The following C3orf18 variants were observed in gnomAD, a reference collection of about 807,000 sequenced individuals.
C3orf18 encodes the protein uncharacterized protein C3orf18.
Under a neutral mutation model 14.1 loss-of-function variants are expected in C3orf18, and 12 were observed. The observed-to-expected ratio is 0.85, with a 90% CI of 0.55 to 1.38. C3orf18 has a LOEUF of 1.38. C3orf18 is among the 40% of genes most tolerant of loss of function. C3orf18 has a pLI of 0.00. For synonymous variants in C3orf18, 82 were observed against 87.9 expected (o/e 0.93, Z 0.38); for missense variants, 196 against 213.9 (o/e 0.92, Z 0.52).
At chr3:50,571,999 G>A, upstream of C3orf18, 3 of 1,525,238 alleles carry the variant, frequency 2.0e-6, no homozygotes, top group Non-Finnish European at 2.7e-6. Context: ...GAGTCCCAAG[G>A]CCCTGGAGAC....
chr3:50,559,486 C>T lies in C3orf18; in HGVS notation c.*171G>A. 4 of 1,428,832 alleles carry T rather than the reference C, an allele frequency of 2.8e-6. No homozygotes were observed. The highest frequency in any genetic ancestry group is 3.7e-6 in the Non-Finnish European group (4 of 1,089,748). 88.5% of individuals were successfully genotyped at this position (1,428,832 alleles called of 1,614,324 possible). ...AAGTCCAGCCTGGCTAGGGCCCTCT[C>T]TTAGAGTCTAAAGTCAGCAGGTGGG... is the stretch of plus-strand genomic sequence containing the variant. On this transcript the variant is annotated 3_prime_UTR_variant, in exon 6 of 6. Transcript: ENST00000357203.
upstream of C3orf18, chr3:50,572,024 T>C: frequency 1.3e-6 from 2 of 1,580,024 alleles, no homozygotes; most frequent in Non-Finnish European, 1.7e-6. Context: ...TCTTGCCTGA[T>C]ACCTTTGGCC....
At position 50,558,578 on chromosome 3, in the gene C3orf18, T is replaced by C. The variant is rs1482257981; in HGVS notation, c.*1079A>G. The C allele has an allele frequency of 2.0e-5, 14 of 702,462 alleles. No individual in the cohort carries two copies. The highest frequency in any genetic ancestry group is 2.4e-5 in the Non-Finnish European group (12 of 496,072). 43.5% of individuals were successfully genotyped at this position (702,462 alleles called of 1,614,324 possible). A position where few individuals can be genotyped will look rare whatever the true frequency, so the allele number is the denominator to read the frequency against. Reference sequence around the variant, plus strand: ...TCTGAAGTGCAATCCCTCACCCACTTTCAGGCAGTCATAACTGCCCCCTCT... The same window carrying C: ...TCTGAAGTGCAATCCCTCACCCACTCTCAGGCAGTCATAACTGCCCCCTCT... On this transcript the variant is annotated 3_prime_UTR_variant, in exon 6 of 6. Coordinates refer to ENST00000357203, the MANE Select transcript of C3orf18 (RefSeq NM_016210.5).
chr3:50,571,439 G>C, upstream of C3orf18: 1 of 855,402 alleles, frequency 1.2e-6, no homozygotes, highest in Non-Finnish European at 1.8e-6. Flanking sequence ...AGACTGATGG[G>C]ATTTTTCTGA....
chr3:50,565,498 T>C lies in C3orf18; in HGVS notation c.202A>G (p.Ile68Val). The change falls in exon 3 of 6, where the codon ATC (isoleucine) becomes GTC (valine). Residue 68 changes from isoleucine (I) to valine (V), a missense_variant. Ile to Val is a conservative substitution (Grantham distance 29). Coordinates refer to ENST00000357203, the MANE Select transcript of C3orf18 (RefSeq NM_016210.5). The surrounding 1 kb of genome is among the most constrained non-coding windows in gnomAD (Gnocchi z 4.4). The stretch of plus-strand genomic sequence containing the variant: ...ACAGCCAGGCCTATCACCGTGATGA[T>C]CCCAAAGGACAGAAGCATGGTACCC... ...GVGTMLLSFG[I>V]ITVIGLAVAL... 1.9e-6 allele frequency: 3 copies of C among 1,613,928 alleles called. No homozygotes were observed. The highest frequency in any genetic ancestry group is 2.5e-6 in the Non-Finnish European group (3 of 1,179,996).
In C3orf18 at chr3:50,558,446, C is replaced by A; in HGVS notation, c.*1211G>T. 1 of 330,990 alleles carries A rather than the reference C, an allele frequency of 3.0e-6. No individual in the cohort carries two copies. 20.5% of individuals were successfully genotyped at this position (330,990 alleles called of 1,614,324 possible). ...TGACCCTCCAAGGCTTATGGAGAGG[C>A]CAAGTGCAGGGACCCATCTCCCCAC... On this transcript the variant is annotated 3_prime_UTR_variant, in exon 6 of 6. Coordinates refer to ENST00000357203, the MANE Select transcript of C3orf18 (RefSeq NM_016210.5).
chr3:50,563,426 C>T (rs769472745), intron 3 of C3orf18, among the ~76,000 whole-genome samples: 23 of 152,240 alleles, frequency 1.5e-4, no homozygotes, highest in Non-Finnish European at 3.1e-4. Context: ...AGAACCTTTA[C>T]GCAATTTCCA....
At position 50,559,719 on chromosome 3, in the gene C3orf18, C is replaced by G; in HGVS notation, c.427G>C (p.Gly143Arg). Residue 143 changes from glycine (G) to arginine (R), a missense_variant, in exon 6 of 6, where the codon GGC becomes CGC. Transcript: ENST00000357203. ...AGCCGGCTGGGTCTCTGCAGTGGGC[C>G]CTGGGAGGGCAGAGTAGTCTGCAGG... ...MQGKTTLPSQ[G>R]PLQRPSRLVF... 1.9e-6 allele frequency: 3 copies of G among 1,592,654 alleles called. No individual in the cohort carries two copies. The highest frequency in any genetic ancestry group is 2.6e-6 in the Non-Finnish European group (3 of 1,169,218).
Position 50,560,919 on chromosome 3 carries a change from T to C in C3orf18, c.406A>G (p.Lys136Glu). The C allele has an allele frequency of 6.2e-7, 1 of 1,609,718 alleles. No homozygotes were observed. The highest frequency in any genetic ancestry group is 8.5e-7 in the Non-Finnish European group (1 of 1,177,696). ...TGGGGAGCCTGGTCAGTGCCCACCT[T>C]GCCCTGCATGGCCTGCACAGAAGTA... ...AATSVQAMQGKTTLPSQGPLQ... is the reference protein window; with the variant it reads ...AATSVQAMQGETTLPSQGPLQ... Residue 136 changes from lysine to glutamate, a missense_variant and splice_region_variant, in exon 5 of 6, where the codon AAG (lysine) becomes GAG (glutamate). Coordinates refer to ENST00000357203, the MANE Select transcript of C3orf18 (RefSeq NM_016210.5).
chr3:50,573,217 G>C (rs1040355431), upstream of C3orf18, among the ~76,000 whole-genome samples: 11 of 152,156 alleles, frequency 7.2e-5, no homozygotes, highest in Non-Finnish European at 2.9e-5. Context: ...TCAAGGAAGG[G>C]AGCATGGGGG....
At chr3:50,570,042 A>C (rs1049580584), upstream of C3orf18, 2 of 152,108 alleles carry the variant, frequency 1.3e-5, no homozygotes, top group Non-Finnish European at 2.9e-5. Flanking sequence ...GGGTTTCACC[A>C]TGCTGGCCAG....
rs1352657708 is a variant in C3orf18 at position 50,559,065 on chromosome 3, G to A, written c.*592C>T. Reference sequence around the variant, plus strand: ...GGATGGGTGGCTGGGAGACCTCCTGGACCCTCCGTAGTATGGATGGACCCT... The same window carrying A: ...GGATGGGTGGCTGGGAGACCTCCTGAACCCTCCGTAGTATGGATGGACCCT... On this transcript the variant is annotated 3_prime_UTR_variant, in exon 6 of 6. Coordinates refer to ENST00000357203, the MANE Select transcript of C3orf18 (RefSeq NM_016210.5). 1 of 1,289,780 alleles carries A rather than the reference G, an allele frequency of 7.8e-7. No homozygotes were observed. The allele number at this position is 1,289,780 out of a possible 1,614,324, so 79.9% of individuals were successfully genotyped here. A position where few individuals can be genotyped will look rare whatever the true frequency, so the allele number is the denominator to read the frequency against.
intron 4 of C3orf18, 34 bp from the exon 5 acceptor site, chr3:50,561,098 G>A (rs1213144797): frequency 1.9e-6 from 3 of 1,602,356 alleles, no homozygotes; most frequent in Non-Finnish European, 1.7e-6. Context: ...TGGGGACAGG[G>A]CAGGCCCTTC....
intron 3 of C3orf18, among the ~76,000 whole-genome samples, chr3:50,562,219 T>C (rs1700021415): frequency 1.3e-5 from 2 of 152,136 alleles, no homozygotes; most frequent in Non-Finnish European, 2.9e-5. Flanking sequence ...TTGACATTGT[T>C]AGCTGCAGAC....
At chr3:50,571,383 G>A (rs750750023), upstream of C3orf18, 2 of 1,372,674 alleles carry the variant, frequency 1.5e-6, no homozygotes, top group Non-Finnish European at 1.0e-6. Flanking sequence ...GGGAGGACTT[G>A]GGGAAGGGAT....
At chr3:50,562,403 GA>G (rs1700037818) in intron 3 of C3orf18, 2 of 449,750 alleles carry the variant, frequency 4.4e-6, no homozygotes, top group Non-Finnish European at 8.9e-6. Flanking sequence ...AGAAGAAAGG[GA>G]AAACTTCAGC....
chr3:50,569,451 C>T (rs1700628307), upstream of C3orf18: 2 of 151,796 alleles, frequency 1.3e-5, no homozygotes, highest in Non-Finnish European at 2.9e-5. Context: ...CGAGCCTTTT[C>T]TTAAAGGCGC....
chr3:50,567,231 TC>T (rs1465799787), intron 1 of C3orf18, among the ~76,000 whole-genome samples: 1 of 152,146 alleles, frequency 6.6e-6, no homozygotes, highest in Non-Finnish European at 1.5e-5. Flanking sequence ...TCTGTTAACA[TC>T]GCCTCCCAAA....
chr3:50,560,538 G>A (rs1050598182), intron 5 of C3orf18, among the ~76,000 whole-genome samples: 2 of 152,224 alleles, frequency 1.3e-5, no homozygotes, highest in Non-Finnish European at 1.5e-5. Context: ...GGTCCTAGCC[G>A]CCAACAGTCT....
Sources: allele counts gnomAD v4.1 joint callset (sites outside exome capture counted in the v4.1 genomes callset), GRCh38; gene constraint gnomAD v4.1.1; non-coding constraint Gnocchi (gnomAD v3.1); transcripts MANE v1.5; gene names NCBI Gene and HGNC (gene_info 2026-07-23, HGNC 2026-07-21).